Variants in CTSC observed in about 807,000 individuals in gnomAD.
CTSC encodes the protein dipeptidyl peptidase 1.
Under a neutral mutation model 40.9 loss-of-function variants are expected in CTSC, and 37 were observed. The ratio of observed to expected loss-of-function variants is 0.91; its 90% CI spans 0.70 to 1.19. The LOEUF (loss-of-function observed/expected upper bound fraction) is 1.19. CTSC is among the 50% of genes most tolerant of loss of function. The probability of loss-of-function intolerance (pLI) is 0.00; values close to 1 mark genes in which losing one functional copy is unlikely to be tolerated. For missense variants in CTSC, 594 were observed against 567.3 expected, an observed-to-expected ratio of 1.05 and a Z score of -0.48; for synonymous variants, 232 against 207.4, an observed-to-expected ratio of 1.12 and a Z score of -1.02.
intron 5 of CTSC, chr11:88,299,486 T>C (rs544511156): frequency 1.3e-5 from 2 of 152,280 alleles, no homozygotes; most frequent in South Asian, 4.1e-4. Flanking sequence ...TGGTGTCAGA[T>C]GAAAAACAGA....
At position 88,309,274 on chromosome 11, in the gene CTSC, G is replaced by A. The variant is rs1458685202; in HGVS notation, c.530C>T (p.Ala177Val). ...LYKYDHNFVK[A>V]INAIQKSWTA... is the part of the protein sequence containing the mutation. ...CCAAGACTTCTGAATGGCATTGATA[G>A]CTTTCACAAAGTTGTGATCATACTT... Residue 177 changes from alanine to valine, a missense_variant, in exon 4 of 7, where the codon GCT becomes GTT. Physicochemically the swap from Ala to Val is moderately conservative, Grantham distance 64. Transcript: ENST00000227266. 6.2e-7 allele frequency: 1 copy of A among 1,613,740 alleles called. No homozygotes were observed. Among genetic ancestry groups the A allele is most frequent in the Non-Finnish European group, 8.5e-7 (1 of 1,179,658 alleles).
At chr11:88,317,625 G>A (rs962267218) in intron 2 of CTSC, among the ~76,000 whole-genome samples, 2 of 152,006 alleles carry the variant, frequency 1.3e-5, no homozygotes, top group Non-Finnish European at 2.9e-5. Flanking sequence ...ATGTTTTCGG[G>A]GTATGTCATT....
In CTSC at chr11:88,326,181, T is replaced by A. The variant is rs368495484; in HGVS notation, c.318+8756A>T. 424 of 1,361,366 alleles carry A rather than the reference T, an allele frequency of 3.1e-4. 3 individuals carry two copies. The South Asian group carries it at 8.0e-3, about 26-fold the overall frequency. 84.3% of individuals were successfully genotyped at this position (1,361,366 alleles called of 1,614,324 possible). On this transcript the variant is annotated intron_variant, in intron 2 of 6. Coordinates refer to ENST00000227266, the MANE Select transcript of CTSC (RefSeq NM_001814.6). The stretch of plus-strand genomic sequence containing the variant: ...TTTTTTTCCTTTCTCCTGTGTAGTC[T>A]CTGGTTGTTCACATTCCAAAATGAT...
intron 2 of CTSC, among the ~76,000 whole-genome samples, chr11:88,330,655 AT>A (rs1186137915): frequency 2.0e-5 from 3 of 152,048 alleles, no homozygotes; most frequent in Non-Finnish European, 4.4e-5. Flanking sequence ...GCTGAAAAAA[AT>A]ATTTTAAAAA....
chr11:88,294,985 C>A (rs1366424168), intron 6 of CTSC, among the ~76,000 whole-genome samples: 1 of 152,226 alleles, frequency 6.6e-6, no homozygotes, highest in Non-Finnish European at 1.5e-5. Flanking sequence ...CAACCTCTTG[C>A]CGAAATGTCT....
In CTSC at chr11:88,312,684, G is replaced by T. The variant is rs1937791776; in HGVS notation, c.319-130C>A. 1.2e-5 allele frequency: 12 copies of T among 985,904 alleles called. No homozygotes were observed. In the South Asian group the frequency reaches 1.7e-4, roughly 14 times the overall value. The allele number at this position is 985,904 out of a possible 1,614,324, so 61.1% of individuals were successfully genotyped here. On this transcript the variant is annotated intron_variant, in intron 2 of 6. Transcript: ENST00000227266. The stretch of plus-strand genomic sequence containing the variant: ...AAACTTCACCCTGAGAGGTTACACT[G>T]TAAGAATTATTCTAGAAAAAGAAGA...
intron 4 of CTSC, among the ~76,000 whole-genome samples, chr11:88,304,704 T>C (rs1481198241): frequency 1.3e-5 from 2 of 152,146 alleles, no homozygotes; most frequent in Non-Finnish European, 2.9e-5. Context: ...CAGGCTGCAG[T>C]AAAGAAGCCA....
At chr11:88,295,083 ATTAT>A (rs1174752971) in intron 6 of CTSC, among the ~76,000 whole-genome samples, 3 of 152,110 alleles carry the variant, frequency 2.0e-5, no homozygotes, top group African/African-American at 7.2e-5. Context: ...TGTTGTTATA[ATTAT>A]TTAATCTCTA....
Position 88,326,315 on chromosome 11 carries a change from C to G in CTSC, c.318+8622G>C, listed in dbSNP as rs1419433294. 3.7e-6 allele frequency: 6 copies of G among 1,613,356 alleles called. No individual in the cohort carries two copies. The African/African-American group carries it at 6.7e-5, about 18-fold the overall frequency. On this transcript the variant is annotated intron_variant, in intron 2 of 6. Coordinates refer to ENST00000227266, the MANE Select transcript of CTSC (RefSeq NM_001814.6). ...ATAAAGACTCCAGAAGGGACTGTAG[C>G]TGCTAGAGGCCTTTGCTAGCTGCTA... is the stretch of plus-strand genomic sequence containing the variant.
At chr11:88,321,149 A>C (rs1937998027) in intron 2 of CTSC, 1 of 543,318 alleles carries the variant, frequency 1.8e-6, no homozygotes, top group Non-Finnish European at 2.3e-6. Context: ...ATATATTTTA[A>C]ATTTTTTAAG....
intron 2 of CTSC, among the ~76,000 whole-genome samples, chr11:88,328,655 T>C (rs1938259240): frequency 6.6e-6 from 1 of 152,054 alleles, no homozygotes; most frequent in Non-Finnish European, 1.5e-5. Context: ...TGAGACAGAG[T>C]CTCACTCTGT....
intron 2 of CTSC, chr11:88,322,077 T>C (rs1356829708): frequency 6.6e-6 from 1 of 152,200 alleles, no homozygotes; most frequent in Non-Finnish European, 1.5e-5. Flanking sequence ...TCATGTTCTT[T>C]GCCAACTTTT....
chr11:88,309,165 T>C lies in CTSC; in HGVS notation c.639A>G (p.Pro213=). ...TGATAAAATGTGTGCTTGATTACCT[T>C]GGGATTTTTCGACTGTGGCCACCAC... ...RRSGGHSRKI[P]RPKPAPLTAE... is the part of the protein sequence containing the mutation. The change falls in exon 4 of 7, where the codon CCA becomes CCG. Residue 213 remains proline, a splice_region_variant and synonymous_variant. Transcript: ENST00000227266. 1 of 1,613,702 alleles carries C rather than the reference T, an allele frequency of 6.2e-7. No homozygotes were observed. The highest frequency in any genetic ancestry group is 8.5e-7 in the Non-Finnish European group (1 of 1,179,656).
chr11:88,325,219 A>T, intron 2 of CTSC: 1 of 985,106 alleles, frequency 1.0e-6, no homozygotes, highest in Non-Finnish European at 1.2e-6. Flanking sequence ...CTTAGTTTGT[A>T]CTTAATTTGA....
At chr11:88,311,709 A>C (rs1937761672) in intron 3 of CTSC, among the ~76,000 whole-genome samples, 1 of 152,190 alleles carries the variant, frequency 6.6e-6, no homozygotes, top group Non-Finnish European at 1.5e-5. Context: ...CATTAAGGTA[A>C]AATTAGGTCA....
rs551643961 is a variant in CTSC, at chr11:88,300,639, T to C, written c.648A>G (p.Lys216=). The C allele has an allele frequency of 9.4e-5, 151 of 1,607,460 alleles. 2 individuals are homozygous for C. In the South Asian group the frequency reaches 1.6e-3, roughly 17 times the overall value. The part of the protein sequence containing the change: ...GGHSRKIPRP[K]PAPLTAEIQQ... Reference sequence around the variant, plus strand: ...GTATTTCAGCAGTCAGTGGTGCAGGTTTGGGCCTAGAAAGGAAATATACAT... The same window carrying C: ...GTATTTCAGCAGTCAGTGGTGCAGGCTTGGGCCTAGAAAGGAAATATACAT... The change falls in exon 5 of 7, where the codon AAA becomes AAG. Residue 216 remains lysine (K), a synonymous_variant. Transcript: ENST00000227266.
rs1317336130 is a variant in CTSC at position 88,294,506 on chromosome 11, A to C, written c.892T>G (p.Cys298Gly). 2 of 1,614,168 alleles carry C rather than the reference A, an allele frequency of 1.2e-6. No homozygotes were observed. Among genetic ancestry groups the C allele is most frequent in the South Asian group, 2.2e-5 (2 of 91,086 alleles). ...ATAAGGTATGGGAAGCCGCCTTCACAGCCTGAAGATGAATAACACACATGG... is the reference window on the plus strand; with the variant it reads ...ATAAGGTATGGGAAGCCGCCTTCACCGCCTGAAGATGAATAACACACATGG... ...VVSCSQYAQG[C>G]EGGFPYLIAG... Residue 298 changes from cysteine to glycine, a missense_variant and splice_region_variant, in exon 7 of 7, where the codon TGT becomes GGT. Physicochemically the swap from Cys to Gly is radical, Grantham distance 159. Coordinates refer to ENST00000227266, the MANE Select transcript of CTSC (RefSeq NM_001814.6).
At chr11:88,325,752 G>A in intron 2 of CTSC, 11 of 985,298 alleles carry the variant, frequency 1.1e-5, no homozygotes, top group Non-Finnish European at 1.3e-5. Flanking sequence ...CAGAGGTACT[G>A]GAGGTCTATA....
chr11:88,304,067 A>T (rs1937608620), intron 4 of CTSC, among the ~76,000 whole-genome samples: 1 of 152,102 alleles, frequency 6.6e-6, no homozygotes, highest in African/African-American at 2.4e-5. Context: ...GTCTTGTTTA[A>T]ACCTAAGAAT....
Sources: gnomAD v4.1 joint callset for allele counts (sites outside exome capture counted in the v4.1 genomes callset) on GRCh38, gnomAD v4.1.1 for gene constraint, MANE v1.5 for transcripts, NCBI Gene and HGNC (gene_info 2026-07-23, HGNC 2026-07-21) for gene names.